The following MYO9A variants were observed in gnomAD, a reference collection of about 807,000 sequenced individuals.
The protein encoded by MYO9A is myosin IXA, also known as unconventional myosin-IXa.
Under a neutral mutation model 293.3 loss-of-function variants are expected in MYO9A, and 103 were observed. The ratio of observed to expected loss-of-function variants is 0.35; its 90% CI spans 0.30 to 0.41. The LOEUF (loss-of-function observed/expected upper bound fraction) is 0.41. Ranked by LOEUF, MYO9A falls within the 10% of genes least tolerant of loss-of-function variation. The pLI, the probability that MYO9A is intolerant of heterozygous loss-of-function variation, is 1.00. For missense variants in MYO9A, 2,685 were observed against 3,033.0 expected, an observed-to-expected ratio of 0.89 and a Z score of 2.69; for synonymous variants, 1,001 against 1,035.7, an observed-to-expected ratio of 0.97 and a Z score of 0.64.
chr15:72,101,525 C>A (rs2080322389), intron 1 of MYO9A, among the ~76,000 whole-genome samples: 1 of 125,208 alleles, frequency 8.0e-6, no homozygotes, highest in Non-Finnish European at 1.7e-5. Context: ...GGGGGGTCAG[C>A]CCCCCGCCCG....
At chr15:71,971,888 T>A (rs1240124297) in intron 12 of MYO9A, among the ~76,000 whole-genome samples, 1 of 152,010 alleles carries the variant, frequency 6.6e-6, no homozygotes, top group East Asian at 1.9e-4. Context: ...GTTATAATGT[T>A]GGGGTGCTTT....
chr15:71,977,624 CA>C (rs1003849843), intron 12 of MYO9A, among the ~76,000 whole-genome samples: 17 of 144,476 alleles, frequency 1.2e-4, no homozygotes, highest in Admixed American at 2.8e-4. Flanking sequence ...AACATGTAAC[CA>C]AAAAAAAAAG....
At chr15:71,910,319 T>C (rs1021983008) in intron 19 of MYO9A, among the ~76,000 whole-genome samples, 1 of 151,600 alleles carries the variant, frequency 6.6e-6, no homozygotes, top group Admixed American at 6.6e-5. Flanking sequence ...GATAAGTTAA[T>C]TTTACCTACT....
At chr15:72,077,388 T>C (rs2079387004) in intron 1 of MYO9A, among the ~76,000 whole-genome samples, 2 of 152,096 alleles carry the variant, frequency 1.3e-5, no homozygotes, top group South Asian at 4.2e-4. Flanking sequence ...AAAGGACTAG[T>C]ATTCAAAATA....
intron 32 of MYO9A, among the ~76,000 whole-genome samples, chr15:71,867,006 G>A (rs578178943): frequency 9.1e-4 from 138 of 151,998 alleles, no homozygotes; most frequent in African/African-American, 2.9e-3. Flanking sequence ...GTGGTGAGCC[G>A]AGATTGCACT....
chr15:71,833,226 A>G (rs1340762053), intron 39 of MYO9A, among the ~76,000 whole-genome samples: 1 of 152,000 alleles, frequency 6.6e-6, no homozygotes, highest in Non-Finnish European at 1.5e-5. Flanking sequence ...AAAAAAAGAA[A>G]ACCTATCTAT....
intron 1 of MYO9A, among the ~76,000 whole-genome samples, chr15:72,071,171 C>T (rs1369361765): frequency 6.6e-6 from 1 of 151,986 alleles, no homozygotes; most frequent in South Asian, 2.1e-4. Flanking sequence ...AGACTAGCAC[C>T]TGGAATCTAT....
intron 33 of MYO9A, among the ~76,000 whole-genome samples, chr15:71,860,468 GA>G (rs1363184721): frequency 2.0e-5 from 3 of 152,124 alleles, no homozygotes; most frequent in Non-Finnish European, 2.9e-5. Context: ...ACATTTAGAG[GA>G]AGGTATTGAG....
chr15:71,834,081 A>C (rs920012897), intron 39 of MYO9A, among the ~76,000 whole-genome samples: 3 of 152,142 alleles, frequency 2.0e-5, no homozygotes, highest in Admixed American at 6.5e-5. Context: ...GAGGCTAATA[A>C]AATTTTTAAA....
intron 10 of MYO9A, among the ~76,000 whole-genome samples, chr15:71,992,676 A>G (rs867943790): frequency 6.6e-6 from 1 of 152,156 alleles, no homozygotes. Flanking sequence ...GACATTTTTA[A>G]TCAGTCTGAC....
Position 71,826,195 on chromosome 15 carries a change from A to G in MYO9A, c.*385T>C, listed in dbSNP as rs2054494271. ...TTGCTTTCACGGTTAAGAAAGATTTATACGTTTTCTTCAAATGTCAGAAAT... is the reference window on the plus strand; with the variant it reads ...TTGCTTTCACGGTTAAGAAAGATTTGTACGTTTTCTTCAAATGTCAGAAAT... On this transcript the variant is annotated 3_prime_UTR_variant, in exon 42 of 42. Coordinates refer to ENST00000356056, the MANE Select transcript of MYO9A (RefSeq NM_006901.4). The G allele has an allele frequency of 5.9e-6, 1 of 168,870 alleles. No individual in the cohort carries two copies. The highest frequency in any genetic ancestry group is 1.3e-5 in the Non-Finnish European group (1 of 79,480). 10.5% of individuals were successfully genotyped at this position (168,870 alleles called of 1,614,324 possible).
At chr15:72,077,103 T>C (rs139848187) in intron 1 of MYO9A, among the ~76,000 whole-genome samples, 635 of 152,102 alleles carry the variant, frequency 4.2e-3, no homozygotes, top group Admixed American at 7.1e-3. Flanking sequence ...TATCTGAGTG[T>C]ACCACACAAA....
rs763683642 is a variant in MYO9A, at chr15:71,830,247, G to A, written c.6902C>T (p.Pro2301Leu). 2 of 1,613,960 alleles carry A rather than the reference G, an allele frequency of 1.2e-6. No homozygotes were observed. Among genetic ancestry groups the A allele is most frequent in the Admixed American group, 1.7e-5 (1 of 59,972 alleles). Reference sequence around the variant, plus strand: ...CTCCTCTGAGACATCAGACACAGAAGGCAACCGAACTACAACAGGAGACGA... The same window carrying A: ...CTCCTCTGAGACATCAGACACAGAAAGCAACCGAACTACAACAGGAGACGA... ...GPSSPVVVRL[P>L]SVSDVSEETL... Residue 2301 changes from proline to leucine, a missense_variant, in exon 40 of 42, where the codon CCT (proline) becomes CTT (leucine). Pro to Leu is a moderately conservative substitution (Grantham distance 98, BLOSUM62 -3). This residue lies in a region of MYO9A where 350 missense variants were observed against 328.9 expected (regional missense o/e 1.06). Coordinates refer to ENST00000356056, the MANE Select transcript of MYO9A (RefSeq NM_006901.4).
chr15:71,994,599 G>A lies in MYO9A; in HGVS notation c.1471-14C>T. 1 of 1,490,976 alleles carries A rather than the reference G, an allele frequency of 6.7e-7. No homozygotes were observed. 92.4% of individuals were successfully genotyped at this position (1,490,976 alleles called of 1,614,324 possible). A position where few individuals can be genotyped will look rare whatever the true frequency, so the allele number is the denominator to read the frequency against. ...CACTGTCACAGCCTGAAAAACAAAAGCATTACAAGTGCATGTAGAATTGAC... is the reference window on the plus strand; with the variant it reads ...CACTGTCACAGCCTGAAAAACAAAAACATTACAAGTGCATGTAGAATTGAC... On this transcript the variant is annotated splice_polypyrimidine_tract_variant and intron_variant, in intron 9 of 41. Transcript: ENST00000356056.
Position 72,010,326 on chromosome 15 carries a change from T to C in MYO9A, c.1253+24A>G, listed in dbSNP as rs2200056. ...TATCATGTGTTCTCTATTAGAGATA[T>C]AAAAATACAACAAGTAAACTCACTG... On this transcript the variant is annotated intron_variant, in intron 7 of 41. Coordinates refer to ENST00000356056, the MANE Select transcript of MYO9A (RefSeq NM_006901.4). 0.22 allele frequency: 347,088 copies of C among 1,594,818 alleles called. 39,180 individuals carry two copies. Among genetic ancestry groups the C allele is most frequent in the East Asian group, 0.38 (17,097 of 44,730 alleles).
At chr15:72,101,577 G>C (rs867877981) in intron 1 of MYO9A, among the ~76,000 whole-genome samples, 4,347 of 51,414 alleles carry the variant, frequency 0.085, no homozygotes, top group Admixed American at 0.11. Flanking sequence ...CCTCTGCCCG[G>C]CCGCCCCTAC....
At chr15:71,949,204 G>GTGTT (rs1055147609) in intron 15 of MYO9A, among the ~76,000 whole-genome samples, 5 of 151,864 alleles carry the variant, frequency 3.3e-5, no homozygotes, top group East Asian at 3.9e-4. Context: ...CTGTAAGCTA[G>GTGTT]TGTTTGTTTG....
At chr15:71,834,741 G>C (rs970640485) in intron 39 of MYO9A, among the ~76,000 whole-genome samples, 2 of 152,134 alleles carry the variant, frequency 1.3e-5, no homozygotes, top group Admixed American at 1.3e-4. Flanking sequence ...ACTGCAGCCT[G>C]GGTGATAACA....
Position 71,968,109 on chromosome 15 carries a change from T to G in MYO9A, c.1861A>C (p.Asn621His). 1 of 1,583,660 alleles carries G rather than the reference T, an allele frequency of 6.3e-7. No individual in the cohort carries two copies. Among genetic ancestry groups the G allele is most frequent in the Non-Finnish European group, 8.6e-7 (1 of 1,167,418 alleles). Residue 621 changes from asparagine (N) to histidine (H), a missense_variant, in exon 13 of 42, where the codon AAT becomes CAT. Physicochemically the swap from Asn to His is moderately conservative, Grantham distance 68. Around this residue, in one of 10 missense-constraint regions of MYO9A, gnomAD observed 201 missense variants for 245.2 expected, o/e 0.82. Coordinates refer to ENST00000356056, the MANE Select transcript of MYO9A (RefSeq NM_006901.4). ...TTAAACTTGTCTAGCAATGTTTGAT[T>G]TGTAGCCTGTGGAAAGCTGAATTAA... ...DEESNFPQAT[N>H]QTLLDKFKHQ...
Sources: allele counts gnomAD v4.1 joint callset (sites outside exome capture counted in the v4.1 genomes callset), GRCh38; gene constraint gnomAD v4.1.1; regional missense constraint gnomAD v4.1.1; transcripts MANE v1.5; gene names NCBI Gene and HGNC (gene_info 2026-07-23, HGNC 2026-07-21).